The following GRM5 variants were observed in gnomAD, a reference collection of about 807,000 sequenced individuals.
The protein encoded by GRM5 is glutamate metabotropic receptor 5.
Under a neutral mutation model 83.1 loss-of-function variants are expected in GRM5, and 19 were observed. The ratio of observed to expected loss-of-function variants is 0.23; its 90% CI spans 0.16 to 0.34. The LOEUF (loss-of-function observed/expected upper bound fraction) is 0.34. Among genes scored for constraint, GRM5 ranks in the 10% least tolerant of loss-of-function variants. GRM5 has a pLI of 1.00. For missense variants in GRM5, 1,160 were observed against 1,588.3 expected (o/e 0.73, Z 4.58); for synonymous variants, 675 against 633.6 (o/e 1.07, Z -0.98).
intron 1 of GRM5, chr11:89,063,675 C>G (rs1215191718): frequency 5.3e-5 from 8 of 152,202 alleles, no homozygotes; most frequent in African/African-American, 1.2e-4. Context: ...GCAATCTCCC[C>G]GCTACTGAGA....
At chr11:88,945,148 A>G (rs1938237139) in intron 2 of GRM5, among the ~76,000 whole-genome samples, 1 of 151,644 alleles carries the variant, frequency 6.6e-6, no homozygotes, top group Non-Finnish European at 1.5e-5. Flanking sequence ...ACACACACAC[A>G]TACACACAAA....
At chr11:88,583,342 G>A (rs2135196833) in intron 7 of GRM5, among the ~76,000 whole-genome samples, 1 of 152,238 alleles carries the variant, frequency 6.6e-6, no homozygotes, top group Middle Eastern at 3.4e-3. Flanking sequence ...AACCTCCAAA[G>A]CAATTAGGTA....
chr11:88,538,260 T>G (rs1942182649), intron 8 of GRM5, among the ~76,000 whole-genome samples: 1 of 152,208 alleles, frequency 6.6e-6, no homozygotes, highest in African/African-American at 2.4e-5. Context: ...TTAATCCTAC[T>G]TATGATGAGA....
Position 88,597,173 on chromosome 11 carries a change from T to G in GRM5, c.1563+11A>C. The stretch of plus-strand genomic sequence containing the variant: ...ACAACAAAAATGAAAGAAACATAGA[T>G]TCCATTTTACCTTGATCTGGCCTTT... On this transcript the variant is annotated intron_variant, in intron 6 of 9. Transcript: ENST00000305447. The G allele has an allele frequency of 6.7e-7, 1 of 1,503,214 alleles. No homozygotes were observed. The highest frequency in any genetic ancestry group is 8.9e-7 in the Non-Finnish European group (1 of 1,119,244). The allele number at this position is 1,503,214 out of a possible 1,614,324, so 93.1% of individuals were successfully genotyped here. A position where few individuals can be genotyped will look rare whatever the true frequency, so the allele number is the denominator to read the frequency against.
chr11:88,993,122 T>C (rs937450139), intron 2 of GRM5, among the ~76,000 whole-genome samples: 1 of 151,724 alleles, frequency 6.6e-6, no homozygotes, highest in Non-Finnish European at 1.5e-5. Context: ...AAAAATTAGC[T>C]GGGCATCCTG....
At chr11:88,806,351 G>T (rs913041302) in intron 3 of GRM5, among the ~76,000 whole-genome samples, 1 of 152,168 alleles carries the variant, frequency 6.6e-6, no homozygotes, top group Non-Finnish European at 1.5e-5. Flanking sequence ...ATTTATTAAA[G>T]ATATGGTGTG....
At chr11:88,787,872 T>C (rs933852540) in intron 3 of GRM5, among the ~76,000 whole-genome samples, 1 of 152,112 alleles carries the variant, frequency 6.6e-6, no homozygotes, top group African/African-American at 2.4e-5. Flanking sequence ...TCTTTCTGGA[T>C]ATGTTAAGTT....
At chr11:89,020,749 A>C (rs1460854215) in intron 2 of GRM5, among the ~76,000 whole-genome samples, 1 of 152,208 alleles carries the variant, frequency 6.6e-6, no homozygotes, top group Non-Finnish European at 1.5e-5. Flanking sequence ...GTTAAAAATA[A>C]TGTGTGACAT....
chr11:88,698,658 A>T (rs1940957495), intron 3 of GRM5, among the ~76,000 whole-genome samples: 1 of 152,132 alleles, frequency 6.6e-6, no homozygotes, highest in Non-Finnish European at 1.5e-5. Context: ...ACCACAGCTG[A>T]GTCCCCTGTG....
intron 4 of GRM5, among the ~76,000 whole-genome samples, chr11:88,623,427 G>A (rs1252634825): frequency 2.0e-5 from 3 of 152,116 alleles, no homozygotes; most frequent in African/African-American, 7.2e-5. Context: ...ACCGTGCCCG[G>A]CCAGAGACCA....
chr11:88,547,067 T>C (rs1018137219), intron 8 of GRM5, among the ~76,000 whole-genome samples: 9 of 152,214 alleles, frequency 5.9e-5, no homozygotes, highest in South Asian at 2.1e-4. Context: ...AATCAAAACA[T>C]TAAAAAACAG....
At chr11:88,612,858 C>T (rs547555513) in intron 4 of GRM5, 3 of 152,358 alleles carry the variant, frequency 2.0e-5, no homozygotes, top group Admixed American at 6.5e-5. Context: ...AGGGGCCATG[C>T]TAATCTTCTC....
chr11:88,601,376 C>G (rs188465210), intron 5 of GRM5, among the ~76,000 whole-genome samples: 3 of 152,052 alleles, frequency 2.0e-5, no homozygotes, highest in South Asian at 4.2e-4. Context: ...CTATTTTGGG[C>G]CTTTTCTTTT....
intron 2 of GRM5, among the ~76,000 whole-genome samples, chr11:88,934,307 C>T (rs1388130526): frequency 6.6e-6 from 1 of 151,782 alleles, no homozygotes; most frequent in Non-Finnish European, 1.5e-5. Flanking sequence ...GATAACCTAA[C>T]AAGGTTAATA....
chr11:88,839,750 T>C (rs1944162360), intron 3 of GRM5, among the ~76,000 whole-genome samples: 1 of 152,230 alleles, frequency 6.6e-6, no homozygotes, highest in South Asian at 2.1e-4. Flanking sequence ...AATATCTATA[T>C]ATAACTTTTG....
intron 3 of GRM5, among the ~76,000 whole-genome samples, chr11:88,848,443 C>T (rs1016508402): frequency 6.6e-6 from 1 of 152,166 alleles, no homozygotes; most frequent in African/African-American, 2.4e-5. Context: ...GAAGGAAGTA[C>T]ATTTCCCTTA....
At chr11:88,915,007 A>G (rs1945565193) in intron 2 of GRM5, among the ~76,000 whole-genome samples, 2 of 152,198 alleles carry the variant, frequency 1.3e-5, no homozygotes, top group Admixed American at 1.3e-4. Flanking sequence ...TTCCTTAACA[A>G]GATTTTTAAT....
rs558776041 is a variant in GRM5, at chr11:89,030,457, C to T, written c.661+16755G>A. Among the ~76,000 whole-genome samples, 15 of 152,148 alleles carry T rather than the reference C, an allele frequency of 9.9e-5. No homozygotes were observed. The East Asian group carries it at 1.7e-3, about 18-fold the overall frequency. On this transcript the variant is annotated intron_variant, in intron 2 of 9. Coordinates refer to ENST00000305447, the MANE Select transcript of GRM5 (RefSeq NM_001143831.3). ...AAGGCCATGTGAGGTTGACTTTCTCCGGGAGCACTTTGATAAATACGTTCT... is the reference window on the plus strand; with the variant it reads ...AAGGCCATGTGAGGTTGACTTTCTCTGGGAGCACTTTGATAAATACGTTCT...
intron 2 of GRM5, among the ~76,000 whole-genome samples, chr11:88,850,478 AT>A (rs879576046): frequency 3.2e-4 from 49 of 151,908 alleles, no homozygotes; most frequent in Non-Finnish European, 5.6e-4. Context: ...TTTATCTGCT[AT>A]TTTTTTGCAT....
Sources: allele counts gnomAD v4.1 joint callset (sites outside exome capture counted in the v4.1 genomes callset), GRCh38; gene constraint gnomAD v4.1.1; transcripts MANE v1.5; gene names NCBI Gene and HGNC (gene_info 2026-07-23, HGNC 2026-07-21).